Variants in ASB18 observed in about 807,000 individuals in gnomAD.
The protein encoded by ASB18 is ankyrin repeat and SOCS box containing 18.
In ASB18, 33 loss-of-function variants were observed where a neutral mutation model predicts 33.4. The ratio of observed to expected loss-of-function variants is 0.99; its 90% confidence interval spans 0.75 to 1.32. The LOEUF (loss-of-function observed/expected upper bound fraction) is 1.32, where lower values mean the gene tolerates loss of function less well. Ranked by LOEUF, ASB18 falls within the 40% of genes most tolerant of loss-of-function variation. The pLI is 0.00. For synonymous variants in ASB18, 295 were observed against 307.6 expected (o/e 0.96, Z 0.43); for missense variants, 694 against 655.5 (o/e 1.06, Z -0.64).
In ASB18 at chr2:236,220,541, C is replaced by G. The variant is rs563938507; in HGVS notation, c.597-5675G>C. Among the ~76,000 whole-genome samples, 2 of 147,884 alleles carry G rather than the reference C, an allele frequency of 1.4e-5. No homozygotes were observed. The highest frequency in any genetic ancestry group is 5.3e-5 in the African/African-American group (2 of 37,612). Reference sequence around the variant, plus strand: ...TGAACTGAAAGGTCTTTTGGATTCCCCAGTACTTGGCCTTTTTTTTTTTTT... The same window carrying G: ...TGAACTGAAAGGTCTTTTGGATTCCGCAGTACTTGGCCTTTTTTTTTTTTT... On this transcript the variant is annotated intron_variant, in intron 3 of 5. Coordinates refer to ENST00000409749, the MANE Select transcript of ASB18 (RefSeq NM_212556.4). The surrounding 1 kb of genome is among the most constrained non-coding windows in gnomAD (Gnocchi z 5.1).
In ASB18 at chr2:236,238,045, GC is replaced by G; in HGVS notation, c.329-90del. ...TTCCTTAAGGCGGAAAGAAAGTGAA[GC>G]CGTCTCTTAAAGGTAGGTACCAGGT... On this transcript the variant is annotated intron_variant, in intron 2 of 5. Coordinates refer to ENST00000409749, the MANE Select transcript of ASB18 (RefSeq NM_212556.4). The surrounding 1 kb of genome is among the most constrained non-coding windows in gnomAD (Gnocchi z 5.2). 8.4e-7 allele frequency: 1 copy of G among 1,187,792 alleles called. No homozygotes were observed. The highest frequency in any genetic ancestry group is 1.1e-6 in the Non-Finnish European group (1 of 904,444). 73.6% of individuals were successfully genotyped at this position (1,187,792 alleles called of 1,614,324 possible). A position where few individuals can be genotyped will look rare whatever the true frequency, so the allele number is the denominator to read the frequency against.
At position 236,235,585 on chromosome 2, in the gene ASB18, T is replaced by C. The variant is rs967928420; in HGVS notation, c.596+2104A>G. Among the ~76,000 whole-genome samples, 7 of 152,220 alleles carry C rather than the reference T, an allele frequency of 4.6e-5. No individual in the cohort carries two copies. The highest frequency in any genetic ancestry group is 1.3e-4 in the Admixed American group (2 of 15,280). ...ATGTGTACACACCTATTAGAATGTA[T>C]ACAATTAAGCCCTGACCATACCATG... On this transcript the variant is annotated intron_variant, in intron 3 of 5. Coordinates refer to ENST00000409749, the MANE Select transcript of ASB18 (RefSeq NM_212556.4). The surrounding 1 kb of genome is among the most constrained non-coding windows in gnomAD (Gnocchi z 6.2).
rs1256539819 is a variant in ASB18 at position 236,238,331 on chromosome 2, G to A, written c.329-375C>T. Among the ~76,000 whole-genome samples, 1 of 152,158 alleles carries A rather than the reference G, an allele frequency of 6.6e-6. No homozygotes were observed. Among genetic ancestry groups the A allele is most frequent in the African/African-American group, 2.4e-5 (1 of 41,434 alleles). On this transcript the variant is annotated intron_variant, in intron 2 of 5. Transcript: ENST00000409749. The surrounding 1 kb of genome is among the most constrained non-coding windows in gnomAD (Gnocchi z 5.2). ...AGGCGAATTTAAGTGAGGAATTCAC[G>A]TGTTCCAGGCCCTGAGTTAGGGCAG...
At position 236,196,438 on chromosome 2, in the gene ASB18, A is replaced by G; in HGVS notation, c.1102-53T>C. The G allele has an allele frequency of 4.7e-6, 4 of 852,388 alleles. No individual in the cohort carries two copies. The highest frequency in any genetic ancestry group is 2.8e-5 in the East Asian group (1 of 35,108). The allele number at this position is 852,388 out of a possible 1,614,324, so 52.8% of individuals were successfully genotyped here. On this transcript the variant is annotated intron_variant, in intron 4 of 5. Coordinates refer to ENST00000409749, the MANE Select transcript of ASB18 (RefSeq NM_212556.4). This position sits in a 1 kb window ranked among gnomAD's most constrained non-coding sequence, Gnocchi z 5.6. ...GTAGGCCGACTGGGTTCTGGGTCTCAGTGGGGAAAGGGTGGGGGGTGTGGG... is the reference window on the plus strand; with the variant it reads ...GTAGGCCGACTGGGTTCTGGGTCTCGGTGGGGAAAGGGTGGGGGGTGTGGG...
Position 236,260,240 on chromosome 2 carries a change from C to T in ASB18, c.205+3901G>A, listed in dbSNP as rs1029202217. Among the ~76,000 whole-genome samples, 5 of 152,172 alleles carry T rather than the reference C, an allele frequency of 3.3e-5. No homozygotes were observed. The highest frequency in any genetic ancestry group is 6.5e-5 in the Admixed American group (1 of 15,284). ...GAAACCTCTTCCCTCTTCTTTCCCC[C>T]AGGTACTTTTGCCAACATGACCCTC... On this transcript the variant is annotated intron_variant, in intron 1 of 5. Transcript: ENST00000409749. This position sits in a 1 kb window ranked among gnomAD's most constrained non-coding sequence, Gnocchi z 5.1.
At position 236,255,943 on chromosome 2, in the gene ASB18, G is replaced by C. The variant is rs747434877; in HGVS notation, c.205+8198C>G. ...CCTCCCAGGAACATGCTCCTGTTTC[G>C]AGGGTCAAGTCAGAGGATTTCTACA... On this transcript the variant is annotated intron_variant, in intron 1 of 5. Transcript: ENST00000409749. The surrounding 1 kb of genome is among the most constrained non-coding windows in gnomAD (Gnocchi z 4.4). Among the ~76,000 whole-genome samples, 2 of 152,136 alleles carry C rather than the reference G, an allele frequency of 1.3e-5. No homozygotes were observed. The highest frequency in any genetic ancestry group is 2.4e-5 in the African/African-American group (1 of 41,418).
At chr2:236,230,114 T>C (rs971886709) in intron 3 of ASB18, among the ~76,000 whole-genome samples, 2 of 151,890 alleles carry the variant, frequency 1.3e-5, no homozygotes, top group African/African-American at 4.8e-5. Context: ...TTCCACCTGT[T>C]TGAGAAGATA....
intron 4 of ASB18, among the ~76,000 whole-genome samples, chr2:236,207,783 C>T (rs1181752561): frequency 6.6e-6 from 1 of 151,438 alleles, no homozygotes; most frequent in African/African-American, 2.4e-5. Flanking sequence ...CTGCACTTTA[C>T]TGTGGCTTCA....
At chr2:236,261,451 T>C in intron 1 of ASB18, among the ~76,000 whole-genome samples, 1 of 152,212 alleles carries the variant, frequency 6.6e-6, no homozygotes. Flanking sequence ...CAAATGAACG[T>C]CTGACCGTGT....
At position 236,217,180 on chromosome 2, in the gene ASB18, A is replaced by G. The variant is rs2060491822; in HGVS notation, c.597-2314T>C. ...CCCAGCACTTTGGGAGTCTGAGGTG[A>G]GTGGATCACCTGAGGTCAGGAGTTT... On this transcript the variant is annotated intron_variant, in intron 3 of 5. Coordinates refer to ENST00000409749, the MANE Select transcript of ASB18 (RefSeq NM_212556.4). This position sits in a 1 kb window ranked among gnomAD's most constrained non-coding sequence, Gnocchi z 5.2. 6.6e-6 allele frequency among the ~76,000 whole-genome samples: 1 copy of G among 152,088 alleles called. No individual in the cohort carries two copies. Among genetic ancestry groups the G allele is most frequent in the South Asian group, 2.1e-4 (1 of 4,816 alleles).
chr2:236,239,844 G>A lies in ASB18; in HGVS notation c.328+1436C>T, dbSNP rs1211378515. 6.6e-6 allele frequency among the ~76,000 whole-genome samples: 1 copy of A among 152,206 alleles called. No individual in the cohort carries two copies. Among genetic ancestry groups the A allele is most frequent in the African/African-American group, 2.4e-5 (1 of 41,454 alleles). ...CGTTTCTGCTGCTGGATCTGCTGCA[G>A]GGCAGTCAGGTGTCTGTGCCGGAGG... On this transcript the variant is annotated intron_variant, in intron 2 of 5. Coordinates refer to ENST00000409749, the MANE Select transcript of ASB18 (RefSeq NM_212556.4). The surrounding 1 kb of genome is among the most constrained non-coding windows in gnomAD (Gnocchi z 5.6).
At chr2:236,224,199 T>G (rs937723017) in intron 3 of ASB18, among the ~76,000 whole-genome samples, 3 of 148,742 alleles carry the variant, frequency 2.0e-5, no homozygotes, top group Non-Finnish European at 3.0e-5. Flanking sequence ...TTTTTTTTTT[T>G]TTTTTTTTTT....
Position 236,216,025 on chromosome 2 carries a change from G to A in ASB18, c.597-1159C>T, listed in dbSNP as rs550287041. On this transcript the variant is annotated intron_variant, in intron 3 of 5. Coordinates refer to ENST00000409749, the MANE Select transcript of ASB18 (RefSeq NM_212556.4). The surrounding 1 kb of genome is among the most constrained non-coding windows in gnomAD (Gnocchi z 6.1). ...TCCTGGGCAGCACTGTGGTCACCTC[G>A]TCATCTGCATCCTCAGTTCCCTTGA... Among the ~76,000 whole-genome samples, 6 of 152,148 alleles carry A rather than the reference G, an allele frequency of 3.9e-5. No individual in the cohort carries two copies. The highest frequency in any genetic ancestry group is 1.9e-4 in the East Asian group (1 of 5,164).
At position 236,217,585 on chromosome 2, in the gene ASB18, A is replaced by G. The variant is rs2060493847; in HGVS notation, c.597-2719T>C. 6.6e-6 allele frequency among the ~76,000 whole-genome samples: 1 copy of G among 152,060 alleles called. No homozygotes were observed. The highest frequency in any genetic ancestry group is 1.5e-5 in the Non-Finnish European group (1 of 68,024). On this transcript the variant is annotated intron_variant, in intron 3 of 5. Coordinates refer to ENST00000409749, the MANE Select transcript of ASB18 (RefSeq NM_212556.4). This position sits in a 1 kb window ranked among gnomAD's most constrained non-coding sequence, Gnocchi z 5.2. ...AATTAACATCTTTCAGCTTTTCTTT[A>G]TATTGCCGCTGCTTTTCCTACTATA...
chr2:236,243,529 G>C (rs898132444), intron 1 of ASB18, among the ~76,000 whole-genome samples: 2 of 152,046 alleles, frequency 1.3e-5, no homozygotes, highest in Non-Finnish European at 2.9e-5. Flanking sequence ...AAATGACCAG[G>C]TTCCAGATAA....
rs933849823 is a variant in ASB18 at position 236,209,997 on chromosome 2, C to G, written c.1101+4365G>C. 2.0e-5 allele frequency among the ~76,000 whole-genome samples: 3 copies of G among 152,218 alleles called. No homozygotes were observed. Among genetic ancestry groups the G allele is most frequent in the Non-Finnish European group, 2.9e-5 (2 of 68,038 alleles). ...CTCACTCATCACACACTTGAGGGAG[C>G]CTTGGACCCTGCCCCCCAGCCAGGT... is the stretch of plus-strand genomic sequence containing the variant. On this transcript the variant is annotated intron_variant, in intron 4 of 5. Coordinates refer to ENST00000409749, the MANE Select transcript of ASB18 (RefSeq NM_212556.4). This position sits in a 1 kb window ranked among gnomAD's most constrained non-coding sequence, Gnocchi z 4.4.
At position 236,220,904 on chromosome 2, in the gene ASB18, C is replaced by T. The variant is rs1426761022; in HGVS notation, c.597-6038G>A. Among the ~76,000 whole-genome samples the T allele has an allele frequency of 3.9e-5, 6 of 152,202 alleles. No individual in the cohort carries two copies. Among genetic ancestry groups the T allele is most frequent in the African/African-American group, 1.4e-4 (6 of 41,450 alleles). ...AAGTGTTTCTCCTCTTATCACTCCA[C>T]AGGAATTCCTGGACAGACTCACCGA... On this transcript the variant is annotated intron_variant, in intron 3 of 5. Coordinates refer to ENST00000409749, the MANE Select transcript of ASB18 (RefSeq NM_212556.4). The surrounding 1 kb of genome is among the most constrained non-coding windows in gnomAD (Gnocchi z 5.1).
rs751921471 is a variant in ASB18 at position 236,194,989 on chromosome 2, G to A, written c.1284C>T (p.Cys428=). The A allele has an allele frequency of 1.3e-5, 21 of 1,613,914 alleles. No homozygotes were observed. In the Middle Eastern group the frequency reaches 1.8e-3, roughly 140 times the overall value. The part of the protein sequence containing the change: ...ALTPRCLQHL[C]RCALRRLFGK... ...CAAACAGTCTGCGAAGAGCACAGCG[G>A]CAAAGATGCTGCAGGCAGCGTGGGG... The change falls in exon 6 of 6, where the codon TGC becomes TGT. Residue 428 remains cysteine, a synonymous_variant. Coordinates refer to ENST00000409749, the MANE Select transcript of ASB18 (RefSeq NM_212556.4). The surrounding 1 kb of genome is among the most constrained non-coding windows in gnomAD (Gnocchi z 4.5).
Position 236,238,722 on chromosome 2 carries a change from G to T in ASB18, c.329-766C>A, listed in dbSNP as rs2060608249. ...GGCACTTTCAAAAAGCCCGTGGAAG[G>T]TTGTTAGCGGCCAGGAGCGCTCGTG... is the stretch of plus-strand genomic sequence containing the variant. On this transcript the variant is annotated intron_variant, in intron 2 of 5. Coordinates refer to ENST00000409749, the MANE Select transcript of ASB18 (RefSeq NM_212556.4). The surrounding 1 kb of genome is among the most constrained non-coding windows in gnomAD (Gnocchi z 5.2). Among the ~76,000 whole-genome samples the T allele has an allele frequency of 6.6e-6, 1 of 152,078 alleles. No individual in the cohort carries two copies. The highest frequency in any genetic ancestry group is 2.1e-4 in the South Asian group (1 of 4,824).
Sources: gnomAD v4.1 joint callset for allele counts (sites outside exome capture counted in the v4.1 genomes callset) on GRCh38, gnomAD v4.1.1 for gene constraint, Gnocchi (gnomAD v3.1) non-coding constraint, MANE v1.5 for transcripts, NCBI Gene and HGNC (gene_info 2026-07-23, HGNC 2026-07-21) for gene names.